Variants in LAMA4 observed in about 807,000 individuals in gnomAD.
The protein encoded by LAMA4 is laminin subunit alpha 4.
LAMA4 carries 127 observed loss-of-function variants against 207.1 expected under a neutral mutation model. The ratio of observed to expected loss-of-function variants is 0.61; its 90% CI spans 0.53 to 0.71. The LOEUF (loss-of-function observed/expected upper bound fraction) is 0.71, where lower values mean the gene tolerates loss of function less well. Ranked by LOEUF, LAMA4 falls within the 30% of genes least tolerant of loss-of-function variation. The pLI is 0.00. For missense variants in LAMA4, 2,093 were observed against 2,246.5 expected (o/e 0.93, Z 1.38); for synonymous variants, 761 against 816.0 (o/e 0.93, Z 1.15).
intron 29 of LAMA4, 127 bp downstream of exon 29, chr6:112,130,841 T>C: frequency 1.1e-6 from 1 of 923,740 alleles, no homozygotes; most frequent in Non-Finnish European, 1.8e-6. Flanking sequence ...AGATAAGTTG[T>C]TCCTTCTAGC....
At chr6:112,181,119 C>A (rs1342706481) in intron 9 of LAMA4, among the ~76,000 whole-genome samples, 2 of 152,172 alleles carry the variant, frequency 1.3e-5, no homozygotes, top group Admixed American at 6.5e-5. Context: ...GCCTCTCTTC[C>A]TCTTTTCCAT....
intron 31 of LAMA4, among the ~76,000 whole-genome samples, chr6:112,126,226 A>T (rs1212555563): frequency 6.6e-6 from 1 of 152,170 alleles, no homozygotes; most frequent in Non-Finnish European, 1.5e-5. Context: ...TAAAGGGGTA[A>T]CTGTGTTTGC....
intron 2 of LAMA4, among the ~76,000 whole-genome samples, chr6:112,248,310 C>T (rs1787151651): frequency 6.6e-6 from 1 of 151,956 alleles, no homozygotes; most frequent in South Asian, 2.1e-4. Context: ...ACCATCCTGG[C>T]TAACACGGTG....
intron 31 of LAMA4, 27 bp from the exon 32 acceptor site, chr6:112,122,228 T>C (rs1554326389): frequency 1.9e-6 from 3 of 1,577,316 alleles, no homozygotes; most frequent in South Asian, 1.1e-5. Context: ...AATTAAGGGA[T>C]AAAAGTGACA....
In LAMA4 at chr6:112,120,364, G is replaced by C; in HGVS notation, c.4584C>G (p.Arg1528=). ...GACCAACATTAAACATGTAAACCAA[G>C]CGGCCATGGGCCAAAAATAGAGTCA... ...DFMTLFLAHG[R]LVYMFNVGHK... Residue 1528 remains arginine, a synonymous_variant, in exon 33 of 39, where the codon CGC becomes CGG. Coordinates refer to ENST00000230538, the MANE Select transcript of LAMA4 (RefSeq NM_001105206.3). The C allele has an allele frequency of 6.2e-7, 1 of 1,613,964 alleles. No individual in the cohort carries two copies. Among genetic ancestry groups the C allele is most frequent in the Non-Finnish European group, 8.5e-7 (1 of 1,179,922 alleles).
At chr6:112,190,969 T>C (rs1158189458) in intron 6 of LAMA4, among the ~76,000 whole-genome samples, 2 of 145,032 alleles carry the variant, frequency 1.4e-5, no homozygotes, top group South Asian at 4.5e-4. Flanking sequence ...TCTTTCTTTC[T>C]TTCTTTCTTT....
chr6:112,142,042 G>C (rs1226246738), intron 20 of LAMA4, 77 bp downstream of exon 20: 6 of 1,481,606 alleles, frequency 4.0e-6, no homozygotes, highest in Non-Finnish European at 5.7e-6. Context: ...GTTTGCCTAG[G>C]TGGCTTTATT....
chr6:112,166,415 G>A (rs1193749063), intron 12 of LAMA4: 1 of 152,208 alleles, frequency 6.6e-6, no homozygotes, highest in Non-Finnish European at 1.5e-5. Flanking sequence ...AAGACTGGGA[G>A]TTATACAGCA....
At position 112,216,733 on chromosome 6, in the gene LAMA4, T is replaced by G. The variant is rs988557594; in HGVS notation, c.196-264A>C. ...GAACAGAAATGCCTTTAACACTGTC[T>G]TATCATTGCAAGGAAGAATAAGAAG... is the stretch of plus-strand genomic sequence containing the variant. On this transcript the variant is annotated intron_variant, in intron 2 of 38. Coordinates refer to ENST00000230538, the MANE Select transcript of LAMA4 (RefSeq NM_001105206.3). The G allele has an allele frequency of 8.7e-6, 4 of 458,386 alleles. No individual in the cohort carries two copies. The Admixed American group carries it at 1.3e-4, about 15-fold the overall frequency. The allele number at this position is 458,386 out of a possible 1,614,324, so 28.4% of individuals were successfully genotyped here.
intron 5 of LAMA4, among the ~76,000 whole-genome samples, chr6:112,194,105 G>A (rs1783275834): frequency 6.6e-6 from 1 of 152,190 alleles, no homozygotes; most frequent in Admixed American, 6.5e-5. Flanking sequence ...CAGATTTATA[G>A]GCCTGCAGGT....
At chr6:112,124,675 A>G (rs998395116) in intron 31 of LAMA4, among the ~76,000 whole-genome samples, 3 of 151,998 alleles carry the variant, frequency 2.0e-5, no homozygotes, top group Non-Finnish European at 4.4e-5. Flanking sequence ...CAATTTAGCA[A>G]GATTCTTTTG....
At chr6:112,230,872 A>G (rs1480641450) in intron 2 of LAMA4, among the ~76,000 whole-genome samples, 1 of 152,218 alleles carries the variant, frequency 6.6e-6, no homozygotes, top group East Asian at 1.9e-4. Flanking sequence ...GAAGGACTGT[A>G]TCTAATTCTT....
intron 2 of LAMA4, among the ~76,000 whole-genome samples, chr6:112,239,583 G>T (rs546137067): frequency 6.6e-6 from 1 of 152,294 alleles, no homozygotes; most frequent in Admixed American, 6.5e-5. Context: ...TGCTGCTACA[G>T]TCCTTCTCTT....
intron 2 of LAMA4, 112 bp downstream of exon 2, chr6:112,253,844 T>C (rs782721930): frequency 6.2e-7 from 1 of 1,614,178 alleles, no homozygotes; most frequent in South Asian, 1.1e-5. Context: ...CAGGTGAAAC[T>C]CTCAAGGCAC....
chr6:112,125,430 C>T (rs567442548), intron 31 of LAMA4, among the ~76,000 whole-genome samples: 9 of 152,180 alleles, frequency 5.9e-5, no homozygotes, highest in Non-Finnish European at 1.2e-4. Context: ...AACACAGGGC[C>T]TGCCCACTAG....
chr6:112,218,584 C>G (rs1554359482), intron 2 of LAMA4: 1 of 152,210 alleles, frequency 6.6e-6, no homozygotes, highest in African/African-American at 2.4e-5. Flanking sequence ...CATCTCAACT[C>G]TTTGTCAACA....
At chr6:112,154,357 C>CAAAAAAAAAAAAAAAAAAAA (rs55988988) in intron 16 of LAMA4, among the ~76,000 whole-genome samples, 1 of 120,272 alleles carries the variant, frequency 8.3e-6, no homozygotes, top group African/African-American at 3.0e-5. Flanking sequence ...ACACAAACTA[C>CAAAAAAAAAAAAAAAAAAAA]AAAAAAAAAA....
At chr6:112,225,998 C>G (rs1554362342) in intron 2 of LAMA4, among the ~76,000 whole-genome samples, 1 of 152,146 alleles carries the variant, frequency 6.6e-6, no homozygotes, top group South Asian at 2.1e-4. Flanking sequence ...TACCTCCTGC[C>G]TCCCTTTGTA....
In LAMA4 at chr6:112,132,777, C is replaced by T. The variant is rs782238293; in HGVS notation, c.3810G>A (p.Gly1270=). 6.2e-7 allele frequency: 1 copy of T among 1,612,934 alleles called. No individual in the cohort carries two copies. Among genetic ancestry groups the T allele is most frequent in the Non-Finnish European group, 8.5e-7 (1 of 1,179,204 alleles). Residue 1270 remains glycine, a synonymous_variant, in exon 28 of 39, where the codon GGG becomes GGA. Coordinates refer to ENST00000230538, the MANE Select transcript of LAMA4 (RefSeq NM_001105206.3). Reference sequence around the variant, plus strand: ...CCCCTGAAGCATAATAGAATAGTAACCCATTTGGTTGTAATGTTCGGAAAT... The same window carrying T: ...CCCCTGAAGCATAATAGAATAGTAATCCATTTGGTTGTAATGTTCGGAAAT... ...GFNFRTLQPN[G]LLFYYASGSD... is the part of the protein sequence containing the mutation.
Sources: gnomAD v4.1 joint callset for allele counts (sites outside exome capture counted in the v4.1 genomes callset) on GRCh38, gnomAD v4.1.1 for gene constraint, MANE v1.5 for transcripts, NCBI Gene and HGNC (gene_info 2026-07-23, HGNC 2026-07-21) for gene names.